NDUFA9: variants seen among roughly 807,000 people sequenced by gnomAD.
NDUFA9 encodes the protein NADH dehydrogenase [ubiquinone] 1 alpha subcomplex subunit 9, mitochondrial.
In NDUFA9, 23 loss-of-function variants were observed where a neutral mutation model predicts 45.9. The ratio of observed to expected loss-of-function variants is 0.50; its 90% CI spans 0.36 to 0.71. NDUFA9 has a LOEUF of 0.71. Among genes scored for constraint, NDUFA9 ranks in the 30% least tolerant of loss-of-function variants. The probability of loss-of-function intolerance (pLI) is 0.00; values close to 1 mark genes in which losing one functional copy is unlikely to be tolerated. For synonymous variants in NDUFA9, 176 were observed against 170.5 expected, an observed-to-expected ratio of 1.03 and a Z score of -0.25; for missense variants, 466 against 488.2, an observed-to-expected ratio of 0.95 and a Z score of 0.43.
chr12:4,675,050 C>T (rs1215991981), intron 8 of NDUFA9, among the ~76,000 whole-genome samples: 2 of 152,152 alleles, frequency 1.3e-5, no homozygotes, highest in Non-Finnish European at 2.9e-5. Flanking sequence ...ACTGAACAAC[C>T]TGCTCCTGAA....
At position 4,683,567 on chromosome 12, in the gene NDUFA9, C is replaced by T. The variant is rs566087083; in HGVS notation, c.896+1267C>T. Among the ~76,000 whole-genome samples the T allele has an allele frequency of 7.9e-5, 12 of 152,268 alleles. No homozygotes were observed. The South Asian group carries it at 1.0e-3, about 13-fold the overall frequency. ...AGACCACTAGAATGCAGGGTGATAA[C>T]GATATTTATTGAGTGTTACACCTTT... On this transcript the variant is annotated intron_variant, in intron 9 of 10. Coordinates refer to ENST00000266544, the MANE Select transcript of NDUFA9 (RefSeq NM_005002.5).
rs1373579976 is a variant in NDUFA9 at position 4,688,950 on chromosome 12, CTT to C, written c.*1844_*1845del. 1.3e-5 allele frequency: 2 copies of C among 152,150 alleles called. No individual in the cohort carries two copies. Among genetic ancestry groups the C allele is most frequent in the Non-Finnish European group, 2.9e-5 (2 of 68,030 alleles). The allele number at this position is 152,150 out of a possible 1,614,324, so 9.4% of individuals were successfully genotyped here. On this transcript the variant is annotated 3_prime_UTR_variant, in exon 11 of 11. Transcript: ENST00000266544. ...AGTGTCCTCTCTTAGAATATCTACA[CTT>C]TCTTTCCTTTTTTTGATTCTTAAAA...
chr12:4,662,172 A>G (rs1489714745), intron 5 of NDUFA9, among the ~76,000 whole-genome samples: 2 of 152,226 alleles, frequency 1.3e-5, no homozygotes, highest in Admixed American at 6.5e-5. Flanking sequence ...GCCTGCTGCC[A>G]CCATACTGTC....
rs566675874 is a variant in NDUFA9, at chr12:4,668,012, T to C, written c.656-445T>C. On this transcript the variant is annotated intron_variant, in intron 6 of 10. Transcript: ENST00000266544. Reference sequence around the variant, plus strand: ...ACTAATATTTCCATCAGGCCCTTTTTCTGGGTTATCTGTGCTGTATCACTC... The same window carrying C: ...ACTAATATTTCCATCAGGCCCTTTTCCTGGGTTATCTGTGCTGTATCACTC... 2.6e-5 allele frequency among the ~76,000 whole-genome samples: 4 copies of C among 152,324 alleles called. No homozygotes were observed. In the East Asian group the frequency reaches 5.8e-4, roughly 22 times the overall value.
chr12:4,655,494 A>G (rs949463270), intron 3 of NDUFA9: 2 of 152,218 alleles, frequency 1.3e-5, no homozygotes, highest in African/African-American at 4.8e-5. Flanking sequence ...ACAATTTTTT[A>G]TATTTGTTAC....
chr12:4,678,703 A>G (rs1945935280), intron 8 of NDUFA9, among the ~76,000 whole-genome samples: 1 of 152,200 alleles, frequency 6.6e-6, no homozygotes, highest in South Asian at 2.1e-4. Context: ...AAGATGCTCC[A>G]TATCATTAGT....
At chr12:4,663,706 G>A (rs894317712) in intron 6 of NDUFA9, among the ~76,000 whole-genome samples, 3 of 152,182 alleles carry the variant, frequency 2.0e-5, no homozygotes, top group African/African-American at 7.2e-5. Context: ...CCAGTCTATG[G>A]TATTTTGTTA....
rs150765610 is a variant in NDUFA9 at position 4,662,524 on chromosome 12, A to G, written c.553-9A>G. The G allele has an allele frequency of 3.8e-4, 607 of 1,609,944 alleles. No individual in the cohort carries two copies. The highest frequency in any genetic ancestry group is 4.8e-4 in the Non-Finnish European group (563 of 1,176,320). On this transcript the variant is annotated splice_polypyrimidine_tract_variant and intron_variant, in intron 5 of 10. Transcript: ENST00000266544. The stretch of plus-strand genomic sequence containing the variant: ...AAACTCAAAACAGGTTTGTTTGGTT[A>G]TTGTTTAGGCTGTTGGAGAGAAAGT...
At chr12:4,678,573 A>C (rs1208587707) in intron 8 of NDUFA9, among the ~76,000 whole-genome samples, 3 of 152,216 alleles carry the variant, frequency 2.0e-5, no homozygotes, top group Admixed American at 2.0e-4. Context: ...ACTACTATCT[A>C]GAATATACAA....
chr12:4,654,799 C>A, intron 2 of NDUFA9, 26 bp from the exon 3 acceptor site: 1 of 1,535,190 alleles, frequency 6.5e-7, no homozygotes, highest in South Asian at 1.2e-5. Flanking sequence ...TAATGTTGAT[C>A]CTTTTTTCAA....
chr12:4,687,213 A>C lies in NDUFA9; in HGVS notation c.*105A>C. ...AGAGGATCCTGTACACAGTTCCACT[A>C]TTAAAACATTTCAGGTTGAATTCTG... On this transcript the variant is annotated 3_prime_UTR_variant, in exon 11 of 11. Coordinates refer to ENST00000266544, the MANE Select transcript of NDUFA9 (RefSeq NM_005002.5). 9.7e-7 allele frequency: 1 copy of C among 1,036,176 alleles called. No homozygotes were observed. Among genetic ancestry groups the C allele is most frequent in the South Asian group, 2.0e-5 (1 of 49,586 alleles). 64.2% of individuals were successfully genotyped at this position (1,036,176 alleles called of 1,614,324 possible). A position where few individuals can be genotyped will look rare whatever the true frequency, so the allele number is the denominator to read the frequency against.
chr12:4,655,950 T>TA (rs1481809561), intron 3 of NDUFA9: 6 of 152,220 alleles, frequency 3.9e-5, no homozygotes, highest in African/African-American at 1.4e-4. Context: ...GCAGCCAAGC[T>TA]ATTGATTGCG....
rs1175128521 is a variant in NDUFA9, at chr12:4,691,444, A to G, written c.*4336A>G. Reference sequence around the variant, plus strand: ...AGTAAGTAGCTGAATTGGTTTTCCAACCTGGATCTTTCTGGCTACAAAACT... The same window carrying G: ...AGTAAGTAGCTGAATTGGTTTTCCAGCCTGGATCTTTCTGGCTACAAAACT... On this transcript the variant is annotated 3_prime_UTR_variant, in exon 11 of 11. Transcript: ENST00000266544. 1 of 152,206 alleles carries G rather than the reference A, an allele frequency of 6.6e-6. No homozygotes were observed. The highest frequency in any genetic ancestry group is 1.5e-5 in the Non-Finnish European group (1 of 68,036). 9.4% of individuals were successfully genotyped at this position (152,206 alleles called of 1,614,324 possible).
At chr12:4,680,661 G>C (rs1945946990) in intron 8 of NDUFA9, among the ~76,000 whole-genome samples, 2 of 152,140 alleles carry the variant, frequency 1.3e-5, no homozygotes. Flanking sequence ...GTCCTGTAAT[G>C]ATCCTTACAA....
chr12:4,659,165 T>C lies in NDUFA9; in HGVS notation c.540T>C (p.Tyr180=), dbSNP rs781313916. 16 of 1,611,334 alleles carry C rather than the reference T, an allele frequency of 9.9e-6. No individual in the cohort carries two copies. The highest frequency in any genetic ancestry group is 4.0e-5 in the African/African-American group (3 of 74,844). ...LNANIKSSSR[Y]LRNKAVGEKV... ...CGAATATTAAAAGCTCTTCTAGATA[T>C]TTGAGAAATAAGGTAAGTAACAAAT... The change falls in exon 5 of 11, where the codon TAT becomes TAC. Residue 180 remains tyrosine (Y), a synonymous_variant. Coordinates refer to ENST00000266544, the MANE Select transcript of NDUFA9 (RefSeq NM_005002.5).
In NDUFA9 at chr12:4,687,052, C is replaced by G; in HGVS notation, c.1078C>G (p.Arg360Gly). ...IEVLRRHRTY[R>G]WLSAEIEDVK... ...GGTGCTGCGGCGTCATCGCACTTAC[C>G]GCTGGCTGTCTGCTGAAATTGAGGA... is the stretch of plus-strand genomic sequence containing the variant. Residue 360 changes from arginine to glycine, a missense_variant, in exon 11 of 11, where the codon CGC becomes GGC. Transcript: ENST00000266544. The G allele has an allele frequency of 6.2e-7, 1 of 1,614,182 alleles. No individual in the cohort carries two copies. The highest frequency in any genetic ancestry group is 8.5e-7 in the Non-Finnish European group (1 of 1,180,042).
At chr12:4,680,071 T>C (rs1254942769) in intron 8 of NDUFA9, among the ~76,000 whole-genome samples, 1 of 152,158 alleles carries the variant, frequency 6.6e-6, no homozygotes, top group African/African-American at 2.4e-5. Context: ...GTATCTTTTC[T>C]TGTTGGAATG....
intron 6 of NDUFA9, among the ~76,000 whole-genome samples, chr12:4,664,255 T>C (rs1470208804): frequency 2.0e-5 from 3 of 152,132 alleles, no homozygotes; most frequent in Non-Finnish European, 4.4e-5. Flanking sequence ...ATGAAGAGAT[T>C]GTGGATGCGA....
Position 4,687,721 on chromosome 12 carries a change from G to T in NDUFA9, c.*613G>T, listed in dbSNP as rs1386192603. The stretch of plus-strand genomic sequence containing the variant: ...TATTTCAGACACATAGGTGGAGATA[G>T]ATTCTCTTCACATGCAAAGGAGATG... On this transcript the variant is annotated 3_prime_UTR_variant, in exon 11 of 11. Transcript: ENST00000266544. The T allele has an allele frequency of 6.6e-6, 1 of 152,186 alleles. No individual in the cohort carries two copies. The highest frequency in any genetic ancestry group is 1.5e-5 in the Non-Finnish European group (1 of 68,054). 9.4% of individuals were successfully genotyped at this position (152,186 alleles called of 1,614,324 possible). A position where few individuals can be genotyped will look rare whatever the true frequency, so the allele number is the denominator to read the frequency against.
Sources: allele counts gnomAD v4.1 joint callset (sites outside exome capture counted in the v4.1 genomes callset), GRCh38; gene constraint gnomAD v4.1.1; transcripts MANE v1.5; gene names NCBI Gene and HGNC (gene_info 2026-07-23, HGNC 2026-07-21).